Variants in CCSER1 observed in about 807,000 individuals in gnomAD.
CCSER1 encodes the protein serine-rich coiled-coil domain-containing protein 1.
A neutral mutation model predicts 82.0 loss-of-function variants in CCSER1; 41 were observed. That is an observed-to-expected ratio of 0.50 (90% CI 0.39 to 0.65). CCSER1 has a LOEUF of 0.65. CCSER1 is among the 30% of genes least tolerant of loss of function. The pLI is 0.00. For synonymous variants in CCSER1, 414 were observed against 383.9 expected, an observed-to-expected ratio of 1.08 and a Z score of -0.92; for missense variants, 1,119 against 1,064.2, an observed-to-expected ratio of 1.05 and a Z score of -0.72.
At chr4:90,554,393 A>G (rs1777876297) in intron 5 of CCSER1, among the ~76,000 whole-genome samples, 1 of 152,164 alleles carries the variant, frequency 6.6e-6, no homozygotes, top group Non-Finnish European at 1.5e-5. Flanking sequence ...AAAAGAAGAA[A>G]TGTTCAAATA....
At chr4:91,044,400 C>A (rs771716429) in intron 9 of CCSER1, among the ~76,000 whole-genome samples, 12 of 152,124 alleles carry the variant, frequency 7.9e-5, no homozygotes, top group Non-Finnish European at 1.2e-4. Flanking sequence ...GGCTTTGCAG[C>A]GCACAAAATG....
Position 90,930,937 on chromosome 4 carries a change from T to TAC in CCSER1, c.2172+7491_2172+7492insCA, listed in dbSNP as rs1333697200. ...ATATATATATATATATATATATATA[T>TAC]ATACACATGACATATATATACATAC... On this transcript the variant is annotated intron_variant, in intron 9 of 10. Coordinates refer to ENST00000509176, the MANE Select transcript of CCSER1 (RefSeq NM_001145065.2). Among the ~76,000 whole-genome samples, 620 of 134,712 alleles carry TAC rather than the reference T, an allele frequency of 4.6e-3. 5 individuals are homozygous for TAC. The highest frequency in any genetic ancestry group is 7.7e-3 in the Non-Finnish European group (480 of 62,634). 88.4% of individuals were successfully genotyped at this position (134,712 alleles called of 152,430 possible).
At chr4:90,813,919 G>T (rs1243792124) in intron 7 of CCSER1, among the ~76,000 whole-genome samples, 1 of 152,140 alleles carries the variant, frequency 6.6e-6, no homozygotes, top group African/African-American at 2.4e-5. Context: ...GGGATTCTGT[G>T]TGGGTGGCTC....
rs879784782 is a variant in CCSER1, at chr4:90,891,387, A to G, written c.2095-31983A>G. Reference sequence around the variant, plus strand: ...TTTCATTTAACTTTAAATTAAAACAATGTTTTAAAAATACTATTTTTATAG... The same window carrying G: ...TTTCATTTAACTTTAAATTAAAACAGTGTTTTAAAAATACTATTTTTATAG... On this transcript the variant is annotated intron_variant, in intron 8 of 10. Transcript: ENST00000509176. Among the ~76,000 whole-genome samples the G allele has an allele frequency of 6.2e-4, 94 of 151,646 alleles. 1 individual carries two copies. The highest frequency in any genetic ancestry group is 3.2e-3 in the Admixed American group (48 of 15,210).
chr4:90,606,073 GA>G (rs1784667057), intron 5 of CCSER1, among the ~76,000 whole-genome samples: 1 of 152,040 alleles, frequency 6.6e-6, no homozygotes, highest in East Asian at 1.9e-4. Context: ...CCCTTTGAAA[GA>G]AAGTATCATT....
intron 9 of CCSER1, among the ~76,000 whole-genome samples, chr4:91,079,039 C>T (rs370130057): frequency 8.5e-5 from 13 of 152,232 alleles, no homozygotes; most frequent in African/African-American, 2.4e-4. Flanking sequence ...CCCAACATAG[C>T]GAGGCAGGCC....
At chr4:91,336,964 A>G (rs1747365460) in intron 10 of CCSER1, among the ~76,000 whole-genome samples, 1 of 151,932 alleles carries the variant, frequency 6.6e-6, no homozygotes. Flanking sequence ...TTTGTTAAAG[A>G]TGTAAATAAA....
intron 1 of CCSER1, among the ~76,000 whole-genome samples, chr4:90,272,820 T>G (rs989233963): frequency 6.6e-6 from 1 of 152,086 alleles, no homozygotes; most frequent in Non-Finnish European, 1.5e-5. Flanking sequence ...CTGGACAACA[T>G]GGTGAAACCT....
rs368369786 is a variant in CCSER1 at position 91,014,915 on chromosome 4, G to A, written c.2173-71035G>A. On this transcript the variant is annotated intron_variant, in intron 9 of 10. Transcript: ENST00000509176. ...GAAACAGAGAAACAGAAAAGTTCAA[G>A]TTTGGAGAGAATCAAACCCATAGTT... is the stretch of plus-strand genomic sequence containing the variant. Among the ~76,000 whole-genome samples, 22 of 83,960 alleles carry A rather than the reference G, an allele frequency of 2.6e-4. No homozygotes were observed. The East Asian group carries it at 8.9e-3, about 34-fold the overall frequency. 55.1% of individuals were successfully genotyped at this position (83,960 alleles called of 152,430 possible).
rs536647561 is a variant in CCSER1 at position 90,717,574 on chromosome 4, C to G, written c.1933-6340C>G. On this transcript the variant is annotated intron_variant, in intron 6 of 10. Transcript: ENST00000509176. The stretch of plus-strand genomic sequence containing the variant: ...TTAGAGAATGAAGTAGTGGAATCAG[C>G]CTTGTTCCTCTGAGAGGAGTGCCTG... Among the ~76,000 whole-genome samples, 22 of 152,120 alleles carry G rather than the reference C, an allele frequency of 1.4e-4. 1 individual carries two copies. The South Asian group carries it at 4.4e-3, about 30-fold the overall frequency.
intron 1 of CCSER1, among the ~76,000 whole-genome samples, chr4:90,218,443 C>T (rs768797048): frequency 2.0e-5 from 3 of 152,002 alleles, no homozygotes; most frequent in African/African-American, 4.8e-5. Context: ...CAAACTTGCA[C>T]GTGTACCCCT....
chr4:91,074,715 T>G (rs1467222142), intron 9 of CCSER1, among the ~76,000 whole-genome samples: 1 of 152,218 alleles, frequency 6.6e-6, no homozygotes, highest in Non-Finnish European at 1.5e-5. Context: ...TGAGCTACAG[T>G]TATCTAAAGT....
chr4:91,247,930 A>G (rs1313483380), intron 10 of CCSER1, among the ~76,000 whole-genome samples: 2 of 152,140 alleles, frequency 1.3e-5, no homozygotes, highest in Non-Finnish European at 2.9e-5. Flanking sequence ...GACTCCTTGG[A>G]TAAATGTCTG....
At chr4:90,797,038 C>A (rs2149684469) in intron 7 of CCSER1, among the ~76,000 whole-genome samples, 1 of 152,078 alleles carries the variant, frequency 6.6e-6, no homozygotes, top group East Asian at 1.9e-4. Context: ...TCTTGAAGAT[C>A]TTTGCTTATT....
intron 3 of CCSER1, among the ~76,000 whole-genome samples, chr4:90,353,620 G>A (rs1325529910): frequency 6.6e-6 from 1 of 152,162 alleles, no homozygotes; most frequent in African/African-American, 2.4e-5. Flanking sequence ...ACAAAAGGTT[G>A]TGATCCAGGC....
chr4:90,865,651 C>T (rs1765644347), intron 8 of CCSER1, among the ~76,000 whole-genome samples: 1 of 151,642 alleles, frequency 6.6e-6, no homozygotes, highest in Admixed American at 6.6e-5. Context: ...ATTTTTTTGC[C>T]CATTTACACA....
At chr4:91,386,813 C>T (rs77002498) in intron 10 of CCSER1, among the ~76,000 whole-genome samples, 2,811 of 152,040 alleles carry the variant, frequency 0.018, 63 homozygotes, top group African/African-American at 0.063. Context: ...TGCATTTAAT[C>T]ATGAGCAAAC....
intron 6 of CCSER1, chr4:90,683,262 G>A (rs1287110435): frequency 6.6e-6 from 1 of 152,060 alleles, no homozygotes; most frequent in Non-Finnish European, 1.5e-5. Context: ...GAATCTTAAA[G>A]TGCTTCTATG....
intron 5 of CCSER1, among the ~76,000 whole-genome samples, chr4:90,600,617 T>G (rs1050166340): frequency 6.6e-6 from 1 of 152,108 alleles, no homozygotes; most frequent in African/African-American, 2.4e-5. Flanking sequence ...GCTAATCATT[T>G]TATTCTCTGA....
Sources: gnomAD v4.1 joint callset for allele counts (sites outside exome capture counted in the v4.1 genomes callset) on GRCh38, gnomAD v4.1.1 for gene constraint, MANE v1.5 for transcripts, NCBI Gene and HGNC (gene_info 2026-07-23, HGNC 2026-07-21) for gene names.